Variants in SHROOM3 observed in about 807,000 individuals in gnomAD.
SHROOM3 encodes the protein shroom family member 3.
A neutral mutation model predicts 138.6 loss-of-function variants in SHROOM3; 47 were observed. The ratio of observed to expected loss-of-function variants is 0.34; its 90% CI spans 0.27 to 0.43. The LOEUF (loss-of-function observed/expected upper bound fraction) is 0.43. Among genes scored for constraint, SHROOM3 ranks in the 20% least tolerant of loss-of-function variants. SHROOM3 has a pLI of 1.00. For synonymous variants in SHROOM3, 1,062 were observed against 1,063.3 expected (o/e 1.00, Z 0.02); for missense variants, 2,491 against 2,596.5 (o/e 0.96, Z 0.88).
rs1734219548 is a variant in SHROOM3, at chr4:76,589,468, A to AC, written c.323+33705_323+33706insC. ...GGTGATAAGAGTGAAACTCTGTCTC[A>AC]TAAAAAAAAAAAAAAGAAAAAAGAC... On this transcript the variant is annotated intron_variant, in intron 2 of 10. Transcript: ENST00000296043. 4.6e-5 allele frequency among the ~76,000 whole-genome samples: 6 copies of AC among 131,298 alleles called. No individual in the cohort carries two copies. The Admixed American group carries it at 4.6e-4, about 10-fold the overall frequency. The allele number at this position is 131,298 out of a possible 152,430, so 86.1% of individuals were successfully genotyped here.
chr4:76,779,089 CTCTG>C lies in SHROOM3; in HGVS notation c.5904_5907del (p.Leu1969ProfsTer23). 1 of 1,614,208 alleles carries C rather than the reference CTCTG, an allele frequency of 6.2e-7. No individual in the cohort carries two copies. Among genetic ancestry groups the C allele is most frequent in the East Asian group, 2.2e-5 (1 of 44,876 alleles). On this transcript the variant is annotated frameshift_variant, in exon 11 of 11. Transcript: ENST00000296043. LOFTEE classifies it low-confidence loss of function (END_TRUNC). ...TTCATTCCCAAGGCTGGGGCCCTGG[CTCTG>C]CCCCCAAACCTCACGAGTGAGCCCA...
At chr4:76,610,727 C>T (rs746578774) in intron 2 of SHROOM3, among the ~76,000 whole-genome samples, 78 of 152,264 alleles carry the variant, frequency 5.1e-4, no homozygotes, top group Middle Eastern at 3.4e-3. Flanking sequence ...CTGTTGGCAT[C>T]CGTGTAGAGG....
chr4:76,676,944 C>CAAAAAAAAAAAAAAAAAAA (rs58270392), intron 2 of SHROOM3, among the ~76,000 whole-genome samples: 9 of 79,046 alleles, frequency 1.1e-4, no homozygotes, highest in African/African-American at 5.1e-4. Flanking sequence ...CTCCGTCTCA[C>CAAAAAAAAAAAAAAAAAAA]AAAAAAAAAA....
intron 1 of SHROOM3, among the ~76,000 whole-genome samples, chr4:76,459,813 G>C (rs1731104720): frequency 1.3e-5 from 2 of 152,164 alleles, no homozygotes. Flanking sequence ...GAAGCAGCGA[G>C]AGTGGCACAA....
At position 76,778,881 on chromosome 4, in the gene SHROOM3, G is replaced by A; in HGVS notation, c.5695G>A (p.Asp1899Asn). 1 of 1,613,224 alleles carries A rather than the reference G, an allele frequency of 6.2e-7. No individual in the cohort carries two copies. The highest frequency in any genetic ancestry group is 8.5e-7 in the Non-Finnish European group (1 of 1,180,030). ...EDARELKENL[D>N]RRERVVLGIL... Reference sequence around the variant, plus strand: ...TGCCCGGGAGCTGAAGGAGAACCTGGATCGCAGGGAGCGAGTAGTGCTGGG... The same window carrying A: ...TGCCCGGGAGCTGAAGGAGAACCTGAATCGCAGGGAGCGAGTAGTGCTGGG... The change falls in exon 11 of 11, where the codon GAT becomes AAT. Residue 1899 changes from aspartate to asparagine, a missense_variant. Around this residue, in one of 4 missense-constraint regions of SHROOM3, gnomAD observed 470 missense variants for 595.0 expected, o/e 0.79. Transcript: ENST00000296043.
At chr4:76,507,218 G>A (rs1732230092) in intron 1 of SHROOM3, among the ~76,000 whole-genome samples, 1 of 152,090 alleles carries the variant, frequency 6.6e-6, no homozygotes, top group Non-Finnish European at 1.5e-5. Context: ...AAACTAAAAA[G>A]GACATAAAAT....
chr4:76,732,243 T>C (rs944928368), intron 4 of SHROOM3, among the ~76,000 whole-genome samples: 1 of 152,020 alleles, frequency 6.6e-6, no homozygotes, highest in Non-Finnish European at 1.5e-5. Context: ...GAGACGCAAG[T>C]GTTGGTATGT....
intron 2 of SHROOM3, among the ~76,000 whole-genome samples, chr4:76,567,403 C>A (rs1733748134): frequency 6.6e-6 from 1 of 152,274 alleles, no homozygotes; most frequent in South Asian, 2.1e-4. Context: ...GTAATCCCAG[C>A]ACTTCGGGAG....
intron 2 of SHROOM3, among the ~76,000 whole-genome samples, chr4:76,612,389 A>T (rs1490729685): frequency 2.0e-5 from 3 of 152,162 alleles, no homozygotes; most frequent in African/African-American, 7.2e-5. Context: ...CAATCTGAAG[A>T]CCTAACTGGT....
chr4:76,759,108 C>T (rs1721909077), intron 8 of SHROOM3, among the ~76,000 whole-genome samples: 1 of 152,192 alleles, frequency 6.6e-6, no homozygotes, highest in African/African-American at 2.4e-5. Context: ...AGAAAGATTA[C>T]ATGTAACCAA....
At chr4:76,589,480 A>AAAG (rs1203731910) in intron 2 of SHROOM3, among the ~76,000 whole-genome samples, 10 of 151,868 alleles carry the variant, frequency 6.6e-5, no homozygotes, top group African/African-American at 2.2e-4. Flanking sequence ...AAAAAAAAAA[A>AAAG]AAAGAAAAAA....
At chr4:76,697,961 G>C (rs192910712) in intron 2 of SHROOM3, among the ~76,000 whole-genome samples, 92 of 152,258 alleles carry the variant, frequency 6.0e-4, no homozygotes, top group Non-Finnish European at 1.2e-3. Context: ...AAATGAAGGG[G>C]ATAAGTAGAA....
chr4:76,461,080 T>G (rs895827150), intron 1 of SHROOM3, among the ~76,000 whole-genome samples: 3 of 151,950 alleles, frequency 2.0e-5, no homozygotes, highest in African/African-American at 7.2e-5. Flanking sequence ...ATGGCTTTAT[T>G]TTAACTTAAT....
At chr4:76,576,038 A>C (rs181753656) in intron 2 of SHROOM3, among the ~76,000 whole-genome samples, 5 of 152,330 alleles carry the variant, frequency 3.3e-5, no homozygotes, top group Admixed American at 3.3e-4. Context: ...GAACCCTCGT[A>C]CAGTGTTGGT....
At chr4:76,601,740 C>T (rs1734509892) in intron 2 of SHROOM3, among the ~76,000 whole-genome samples, 1 of 152,176 alleles carries the variant, frequency 6.6e-6, no homozygotes, top group African/African-American at 2.4e-5. Context: ...CTCCTGACCT[C>T]AGGTGATCCA....
intron 1 of SHROOM3, among the ~76,000 whole-genome samples, chr4:76,537,048 A>G (rs4256247): frequency 0.67 from 101,913 of 151,636 alleles, 34,610 homozygotes; most frequent in East Asian, 0.94. Context: ...GAGAGCCAGA[A>G]GTTGCAGTGA....
At chr4:76,643,989 C>T (rs1287869595) in intron 2 of SHROOM3, among the ~76,000 whole-genome samples, 1 of 152,074 alleles carries the variant, frequency 6.6e-6, no homozygotes, top group Non-Finnish European at 1.5e-5. Flanking sequence ...GTATTACAGG[C>T]ATGTGCCACC....
chr4:76,689,400 C>T (rs905068867), intron 2 of SHROOM3, among the ~76,000 whole-genome samples: 3 of 151,260 alleles, frequency 2.0e-5, no homozygotes, highest in African/African-American at 7.3e-5. Flanking sequence ...TCGGGTGCGG[C>T]GGGCGCGGGG....
chr4:76,579,773 G>T (rs576433897), intron 2 of SHROOM3, among the ~76,000 whole-genome samples: 20 of 152,304 alleles, frequency 1.3e-4, no homozygotes, highest in Non-Finnish European at 1.9e-4. Context: ...CACAAACACT[G>T]GTTGGCCAGT....
Sources: gnomAD v4.1 joint callset for allele counts (sites outside exome capture counted in the v4.1 genomes callset) on GRCh38, gnomAD v4.1.1 for gene constraint, gnomAD v4.1.1 regional missense constraint, MANE v1.5 for transcripts, NCBI Gene and HGNC (gene_info 2026-07-23, HGNC 2026-07-21) for gene names.